The following TTC3 variants were observed in gnomAD, a reference collection of about 807,000 sequenced individuals.
TTC3 encodes tetratricopeptide repeat domain 3.
Under a neutral mutation model 249.6 loss-of-function variants are expected in TTC3, and 180 were observed. The observed-to-expected ratio is 0.72, with a 90% CI of 0.64 to 0.82. The LOEUF is 0.82. Among genes scored for constraint, TTC3 ranks in the 40% least tolerant of loss-of-function variants. The probability of loss-of-function intolerance (pLI) is 0.00; values close to 1 mark genes in which losing one functional copy is unlikely to be tolerated. For missense variants in TTC3, 2,061 were observed against 2,398.4 expected, an observed-to-expected ratio of 0.86 and a Z score of 2.94; for synonymous variants, 717 against 805.0, an observed-to-expected ratio of 0.89 and a Z score of 1.85.
In TTC3 at chr21:37,191,427, A is replaced by C. The variant is rs777699139; in HGVS notation, c.5115+3A>C. 2.6e-6 allele frequency: 4 copies of C among 1,554,918 alleles called. No individual in the cohort carries two copies. The highest frequency in any genetic ancestry group is 1.9e-5 in the Admixed American group (1 of 52,280). On this transcript the variant is annotated splice_donor_region_variant and intron_variant, in intron 40 of 45. Coordinates refer to ENST00000355666, the Ensembl canonical transcript of TTC3. Reference sequence around the variant, plus strand: ...CAAAAGAAATTGAGAAAGCAAAGGTAAGTTGTAAACATCTTTTAATCCCAT... The same window carrying C: ...CAAAAGAAATTGAGAAAGCAAAGGTCAGTTGTAAACATCTTTTAATCCCAT...
At chr21:37,183,004 C>A in intron 36 of TTC3, 91 bp downstream of exon 36, 1 of 1,111,472 alleles carries the variant, frequency 9.0e-7, no homozygotes. Context: ...TAATATTAAA[C>A]TACATCAAGT....
intron 39 of TTC3, among the ~76,000 whole-genome samples, chr21:37,190,346 T>G (rs3787795): frequency 0.53 from 80,733 of 151,272 alleles, 22,172 homozygotes; most frequent in African/African-American, 0.64. Flanking sequence ...ATGTTGGCCA[T>G]GCTGGTCTCT....
intron 44 of TTC3, among the ~76,000 whole-genome samples, chr21:37,199,077 T>C (rs1489032067): frequency 6.6e-6 from 1 of 152,164 alleles, no homozygotes; most frequent in African/African-American, 2.4e-5. Flanking sequence ...TGGAGGGGCA[T>C]GAACCCTCCT....
intron 10 of TTC3, among the ~76,000 whole-genome samples, chr21:37,107,456 G>A (rs997645620): frequency 3.9e-5 from 6 of 152,130 alleles, no homozygotes; most frequent in African/African-American, 1.2e-4. Flanking sequence ...AGATAAGGAA[G>A]CCAGGAAACT....
chr21:37,141,144 C>T lies in TTC3; in HGVS notation c.1772+471C>T, dbSNP rs146747507. 1.5e-3 allele frequency among the ~76,000 whole-genome samples: 224 copies of T among 152,154 alleles called. 2 individuals carry two copies. Among genetic ancestry groups the T allele is most frequent in the African/African-American group, 4.9e-3 (205 of 41,524 alleles). ...ACTCTATTGTAGTTGTAATCCTTAC[C>T]TGCAGTTTAATATTGAAGCTGTTCT... is the stretch of plus-strand genomic sequence containing the variant. On this transcript the variant is annotated intron_variant, in intron 20 of 45. Coordinates refer to ENST00000355666, the Ensembl canonical transcript of TTC3.
intron 27 of TTC3, 34 bp from the exon 28 acceptor site, chr21:37,156,621 T>A: frequency 6.3e-7 from 1 of 1,577,938 alleles, no homozygotes; most frequent in South Asian, 1.2e-5. Flanking sequence ...ATAATTTCCC[T>A]CCTCTTCTGA....
chr21:37,073,976 G>A (rs1013470368), intron 1 of TTC3, among the ~76,000 whole-genome samples: 4 of 152,244 alleles, frequency 2.6e-5, no homozygotes, highest in Non-Finnish European at 5.9e-5. Flanking sequence ...GTCCTGTTGA[G>A]TGCGTGATCT....
chr21:37,080,312 T>C (rs368668456), intron 1 of TTC3, among the ~76,000 whole-genome samples: 1 of 152,156 alleles, frequency 6.6e-6, no homozygotes, highest in Non-Finnish European at 1.5e-5. Flanking sequence ...TATATTGTTT[T>C]CCTTTAATTA....
At chr21:37,090,357 C>A (rs1471465743) in intron 6 of TTC3, 71 bp downstream of exon 6, 19 of 1,376,462 alleles carry the variant, frequency 1.4e-5, no homozygotes, top group Non-Finnish European at 1.7e-5. Flanking sequence ...CTCATTTCCC[C>A]TTGCATTGGG....
At chr21:37,104,246 A>G (rs771737852) in intron 10 of TTC3, among the ~76,000 whole-genome samples, 1 of 152,148 alleles carries the variant, frequency 6.6e-6, no homozygotes, top group Non-Finnish European at 1.5e-5. Context: ...TGGAAGAGGA[A>G]TAAATTTGTA....
At chr21:37,182,845 A>C in exon 36 of TTC3, 1 of 1,596,876 alleles carries the variant, frequency 6.3e-7, no homozygotes, top group Non-Finnish European at 8.5e-7. Flanking sequence ...AACAGGAAAA[A>C]AAAGAAATCC....
chr21:37,157,886 A>G (rs2080265374), intron 28 of TTC3, among the ~76,000 whole-genome samples: 2 of 152,218 alleles, frequency 1.3e-5, no homozygotes, highest in South Asian at 2.1e-4. Context: ...CTTTCATACT[A>G]TATGAACATA....
intron 37 of TTC3, among the ~76,000 whole-genome samples, chr21:37,186,615 T>G (rs902758114): frequency 6.6e-6 from 1 of 152,144 alleles, no homozygotes; most frequent in Non-Finnish European, 1.5e-5. Context: ...TTTGTAGATA[T>G]AGGGTTTTGC....
chr21:37,143,581 A>C (rs1252696462), intron 20 of TTC3, among the ~76,000 whole-genome samples: 2 of 151,956 alleles, frequency 1.3e-5, no homozygotes, highest in African/African-American at 4.8e-5. Flanking sequence ...ATCATTAAAA[A>C]GTCAAGAAAC....
exon 4 of TTC3, chr21:37,088,306 A>G (rs776885250): frequency 8.1e-6 from 13 of 1,613,408 alleles, no homozygotes; most frequent in East Asian, 2.2e-5. Flanking sequence ...ACATCAAAAC[A>G]GTTCCGTAAT....
chr21:37,169,054 G>A (rs1981432), intron 34 of TTC3, among the ~76,000 whole-genome samples: 82,395 of 149,258 alleles, frequency 0.55, 22,953 homozygotes, highest in African/African-American at 0.65. Flanking sequence ...AGAAGCGGCA[G>A]TGCTTTAGGA....
At chr21:37,140,377 T>G (rs1010591639) in intron 19 of TTC3, among the ~76,000 whole-genome samples, 184 bp from the exon 20 acceptor site, 2 of 152,214 alleles carry the variant, frequency 1.3e-5, no homozygotes, top group Non-Finnish European at 2.9e-5. Context: ...TCTCTGACTA[T>G]CCATATGATC....
chr21:37,150,844 A>G (rs768646267), exon 25 of TTC3: 2 of 1,611,844 alleles, frequency 1.2e-6, no homozygotes, highest in South Asian at 2.2e-5. Flanking sequence ...CATAAAAGAA[A>G]AGGTTCCTCC....
In TTC3 at chr21:37,151,046, A is replaced by G. The variant is rs183889107; in HGVS notation, c.2276+162A>G. 6.6e-5 allele frequency among the ~76,000 whole-genome samples: 10 copies of G among 152,316 alleles called. 1 individual carries two copies. The highest frequency in any genetic ancestry group is 3.9e-4 in the Admixed American group (6 of 15,300). ...ATTTTTATGGAAAATTAAAACTTAA[A>G]GAGAACTAGCCTAGAATGATTAAAT... On this transcript the variant is annotated intron_variant, in intron 25 of 45. Coordinates refer to ENST00000355666, the Ensembl canonical transcript of TTC3.
Sources: gnomAD v4.1 joint callset for allele counts (sites outside exome capture counted in the v4.1 genomes callset) on GRCh38, gnomAD v4.1.1 for gene constraint, MANE v1.5 for transcripts, NCBI Gene and HGNC (gene_info 2026-07-23, HGNC 2026-07-21) for gene names.